The following FGFR3 variants were observed in gnomAD, a reference collection of about 807,000 sequenced individuals.
FGFR3 encodes the protein FGFR-3.
Under a neutral mutation model 82.9 loss-of-function variants are expected in FGFR3, and 25 were observed. The observed-to-expected ratio is 0.30, with a 90% confidence interval of 0.22 to 0.42. FGFR3 has a LOEUF of 0.42. Among genes scored for constraint, FGFR3 ranks in the 10% least tolerant of loss-of-function variants. FGFR3 has a pLI of 1.00. For missense variants in FGFR3, 1,026 were observed against 1,161.0 expected, an observed-to-expected ratio of 0.88 and a Z score of 1.69; for synonymous variants, 620 against 516.0, an observed-to-expected ratio of 1.20 and a Z score of -2.73.
intron 2 of FGFR3, among the ~76,000 whole-genome samples, chr4:1,795,296 A>G (rs960622325): frequency 1.3e-5 from 2 of 151,846 alleles, no homozygotes; most frequent in African/African-American, 4.8e-5. Flanking sequence ...TCAGATAAAG[A>G]TATTACTCCC....
At chr4:1,803,095 A>C (rs1355861207) in intron 7 of FGFR3, 1 of 1,531,892 alleles carries the variant, frequency 6.5e-7, no homozygotes, top group African/African-American at 1.4e-5. Flanking sequence ...CGGCCGGCAC[A>C]AGAGCTCCAG....
intron 2 of FGFR3, among the ~76,000 whole-genome samples, chr4:1,795,356 G>T (rs1458684357): frequency 1.3e-5 from 2 of 151,966 alleles, no homozygotes; most frequent in Non-Finnish European, 2.9e-5. Flanking sequence ...CGGCCAGGCT[G>T]CGGAGCCTCT....
intron 7 of FGFR3, chr4:1,803,187 G>T: frequency 8.3e-7 from 1 of 1,198,318 alleles, no homozygotes; most frequent in Non-Finnish European, 1.1e-6. Context: ...CTCCACTCGG[G>T]GCCGCCTCGG....
chr4:1,799,609 T>A, intron 3 of FGFR3, 86 bp downstream of exon 3: 1 of 1,547,888 alleles, frequency 6.5e-7, no homozygotes, highest in Non-Finnish European at 8.7e-7. Flanking sequence ...CGGCTGGGGG[T>A]CTCTCTGGTC....
In FGFR3 at chr4:1,806,262, G is replaced by A. The variant is rs772373970; in HGVS notation, c.1965G>A (p.Arg655=). 6.2e-7 allele frequency: 1 copy of A among 1,613,002 alleles called. No homozygotes were observed. The highest frequency in any genetic ancestry group is 1.1e-5 in the South Asian group (1 of 91,084). ...LDYYKKTTNG[R]LPVKWMAPEA... is the part of the protein sequence containing the mutation. ...GCCTTCCCACACCCTCCCAGGGCCG[G>A]CTGCCCGTGAAGTGGATGGCGCCTG... The change falls in exon 15 of 18, where the codon CGG becomes CGA. Residue 655 remains arginine (R), a synonymous_variant. Coordinates refer to ENST00000440486, the MANE Select transcript of FGFR3 (RefSeq NM_000142.5).
At chr4:1,798,959 G>T (rs923438980) in intron 2 of FGFR3, among the ~76,000 whole-genome samples, 1 of 152,216 alleles carries the variant, frequency 6.6e-6, no homozygotes, top group Non-Finnish European at 1.5e-5. Flanking sequence ...TGAATTCTCC[G>T]TGTCCATGAG....
rs1035034826 is a variant in FGFR3, at chr4:1,793,824, C to T, written c.-102-9C>T. 84 of 189,742 alleles carry T rather than the reference C, an allele frequency of 4.4e-4. No individual in the cohort carries two copies. The highest frequency in any genetic ancestry group is 2.0e-3 in the African/African-American group (82 of 41,850). 11.8% of individuals were successfully genotyped at this position (189,742 alleles called of 1,614,324 possible). On this transcript the variant is annotated splice_polypyrimidine_tract_variant and intron_variant, in intron 1 of 17. Coordinates refer to ENST00000440486, the MANE Select transcript of FGFR3 (RefSeq NM_000142.5). ...GCCCCTCTAACGAGCTGCCTTCCTC[C>T]TCCTGTAGTCTCCCGAGCGGCGCCC...
At chr4:1,797,537 G>A (rs1270279514) in intron 2 of FGFR3, among the ~76,000 whole-genome samples, 7 of 152,328 alleles carry the variant, frequency 4.6e-5, no homozygotes, top group South Asian at 4.1e-4. Flanking sequence ...ACCTGTTGTC[G>A]CCACTCAGAC....
rs1722239719 is a variant in FGFR3, at chr4:1,808,465, G to C, written c.*1203G>C. The C allele has an allele frequency of 4.3e-6, 1 of 232,088 alleles. No homozygotes were observed. Among genetic ancestry groups the C allele is most frequent in the African/African-American group, 2.2e-5 (1 of 45,214 alleles). 14.4% of individuals were successfully genotyped at this position (232,088 alleles called of 1,614,324 possible). A position where few individuals can be genotyped will look rare whatever the true frequency, so the allele number is the denominator to read the frequency against. On this transcript the variant is annotated 3_prime_UTR_variant, in exon 18 of 18. Transcript: ENST00000440486. ...TTCTTCTAATTGCTGTGTGTCCCAG[G>C]CAGGGAGACGGTTTCCAGGGAGGGG...
chr4:1,796,440 C>T (rs769997348), intron 2 of FGFR3, among the ~76,000 whole-genome samples: 12 of 152,120 alleles, frequency 7.9e-5, no homozygotes, highest in Non-Finnish European at 1.8e-4. Context: ...CCTGGCAATA[C>T]CTCCTGTACC....
rs778449048 is a variant in FGFR3, at chr4:1,806,090, A to T, written c.1876A>T (p.Thr626Ser). The T allele has an allele frequency of 1.4e-5, 22 of 1,613,528 alleles. No homozygotes were observed. The South Asian group carries it at 2.4e-4, about 18-fold the overall frequency. ...CCTGGCTGCCCGCAATGTGCTGGTG[A>T]CCGAGGACAACGTGATGAAGATCGC... ...RDLAARNVLVTEDNVMKIADF... is the reference protein window; with the variant it reads ...RDLAARNVLVSEDNVMKIADF... The change falls in exon 14 of 18, where the codon ACC (threonine) becomes TCC (serine). Residue 626 changes from threonine to serine, a missense_variant. Thr to Ser is a moderately conservative substitution (Grantham distance 58, BLOSUM62 1). Coordinates refer to ENST00000440486, the MANE Select transcript of FGFR3 (RefSeq NM_000142.5).
At chr4:1,806,736 G>A (rs926079248) in intron 16 of FGFR3, 53 bp downstream of exon 16, 56 of 1,600,182 alleles carry the variant, frequency 3.5e-5, no homozygotes, top group Non-Finnish European at 4.2e-5. Flanking sequence ...GGGTCCCTCC[G>A]GGGCTGGGCG....
rs3135878 is a variant in FGFR3, at chr4:1,802,650, G to A, written c.930+625G>A. 0.82 allele frequency among the ~76,000 whole-genome samples: 125,130 copies of A among 152,188 alleles called. 51,644 individuals carry two copies. The highest frequency in any genetic ancestry group is 0.97 in the East Asian group (4,998 of 5,172). On this transcript the variant is annotated intron_variant, in intron 7 of 17. Transcript: ENST00000440486. ...GGCCGCCTCGGGCCCTGTCCAGGGT[G>A]CAGGTTCTGCAAGAGCCCGGGGGAG...
chr4:1,798,520 A>C (rs1477843178), intron 2 of FGFR3, among the ~76,000 whole-genome samples: 230 of 131,728 alleles, frequency 1.7e-3, no homozygotes, highest in African/African-American at 2.2e-3. Flanking sequence ...AACCTTGCCC[A>C]CCCCAAGGAG....
At chr4:1,803,933 T>TA (rs1056191508) in intron 8 of FGFR3, 97 bp downstream of exon 8, 19 of 1,338,494 alleles carry the variant, frequency 1.4e-5, no homozygotes, top group South Asian at 8.2e-5. Flanking sequence ...TCCTGTGACT[T>TA]ACGGCCGTCC....
Position 1,806,663 on chromosome 4 carries a change from C to G in FGFR3, c.2148C>G (p.Pro716=), listed in dbSNP as rs373967853. 1.2e-5 allele frequency: 20 copies of G among 1,612,838 alleles called. No individual in the cohort carries two copies. The South Asian group carries it at 1.4e-4, about 12-fold the overall frequency. The change falls in exon 16 of 18, where the codon CCC becomes CCG. Residue 716 remains proline, a synonymous_variant. Coordinates refer to ENST00000440486, the MANE Select transcript of FGFR3 (RefSeq NM_000142.5). ...AGGAGGGCCACCGCATGGACAAGCC[C>G]GCCAACTGCACACACGACCTGTGAG... is the stretch of plus-strand genomic sequence containing the variant. ...LLKEGHRMDK[P]ANCTHDLYMI...
rs745369056 is a variant in FGFR3 at position 1,805,481 on chromosome 4, G to A, written c.1534+5G>A. 1.9e-6 allele frequency: 3 copies of A among 1,612,120 alleles called. No individual in the cohort carries two copies. Among genetic ancestry groups the A allele is most frequent in the African/African-American group, 2.7e-5 (2 of 75,048 alleles). ...TAGCCGTGAAGATGCTGAAAGGTGA[G>A]GAGGGGGCGGCCAGGGGTGCAGAGC... On this transcript the variant is annotated splice_donor_5th_base_variant and intron_variant, in intron 11 of 17. Coordinates refer to ENST00000440486, the MANE Select transcript of FGFR3 (RefSeq NM_000142.5).
chr4:1,808,671 T>G lies in FGFR3; in HGVS notation c.*1409T>G, dbSNP rs78424000. On this transcript the variant is annotated 3_prime_UTR_variant, in exon 18 of 18. Transcript: ENST00000440486. ...CAAAGCTTGGAGGGAAGCCGTGAATTCAGTTGGTTCGTTCTGTACTGTTAC... is the reference window on the plus strand; with the variant it reads ...CAAAGCTTGGAGGGAAGCCGTGAATGCAGTTGGTTCGTTCTGTACTGTTAC... 3 of 231,992 alleles carry G rather than the reference T, an allele frequency of 1.3e-5. No individual in the cohort carries two copies. Among genetic ancestry groups the G allele is most frequent in the African/African-American group, 4.4e-5 (2 of 45,224 alleles). 14.4% of individuals were successfully genotyped at this position (231,992 alleles called of 1,614,324 possible). A position where few individuals can be genotyped will look rare whatever the true frequency, so the allele number is the denominator to read the frequency against.
chr4:1,804,296 G>A, intron 8 of FGFR3, 34 bp from the exon 9 acceptor site: 17 of 1,553,616 alleles, frequency 1.1e-5, no homozygotes, highest in Non-Finnish European at 1.4e-5. Context: ...GGGGGGGGGG[G>A]CCAGGCCAGG....
Sources: allele counts gnomAD v4.1 joint callset (sites outside exome capture counted in the v4.1 genomes callset), GRCh38; gene constraint gnomAD v4.1.1; transcripts MANE v1.5; gene names NCBI Gene and HGNC (gene_info 2026-07-23, HGNC 2026-07-21).